The following PPP1R16A variants were observed in gnomAD, a reference collection of about 807,000 sequenced individuals.
The protein encoded by PPP1R16A is protein phosphatase 1 regulatory subunit 16A, also known as myosin phosphatase-targeting subunit 3.
A neutral mutation model predicts 46.6 loss-of-function variants in PPP1R16A; 39 were observed. The observed-to-expected ratio is 0.84, with a 90% CI of 0.65 to 1.09. The LOEUF is 1.09. Among genes scored for constraint, PPP1R16A ranks in the 50% least tolerant of loss-of-function variants. The pLI, the probability that PPP1R16A is intolerant of heterozygous loss-of-function variation, is 0.00. For synonymous variants in PPP1R16A, 413 were observed against 321.5 expected (o/e 1.28, Z -3.04); for missense variants, 798 against 735.6 (o/e 1.08, Z -0.98).
In PPP1R16A at chr8:144,502,054, G is replaced by C; in HGVS notation, c.*151G>C. Reference sequence around the variant, plus strand: ...CCTCTCAGGTCAGAAGACATGCCTGGAGGGATGTCTGGCTGCAAAGACTAT... The same window carrying C: ...CCTCTCAGGTCAGAAGACATGCCTGCAGGGATGTCTGGCTGCAAAGACTAT... On this transcript the variant is annotated 3_prime_UTR_variant, in exon 12 of 12. Coordinates refer to ENST00000435887, the MANE Select transcript of PPP1R16A (RefSeq NM_001329443.2). The C allele has an allele frequency of 2.8e-6, 2 of 711,204 alleles. No individual in the cohort carries two copies. The highest frequency in any genetic ancestry group is 4.4e-6 in the Non-Finnish European group (2 of 458,604). 44.1% of individuals were successfully genotyped at this position (711,204 alleles called of 1,614,324 possible). A position where few individuals can be genotyped will look rare whatever the true frequency, so the allele number is the denominator to read the frequency against.
At chr8:144,488,044 G>A (rs1825679687) in intron 1 of PPP1R16A, among the ~76,000 whole-genome samples, 1 of 152,232 alleles carries the variant, frequency 6.6e-6, no homozygotes, top group African/African-American at 2.4e-5. Flanking sequence ...TTATTCCGAG[G>A]CATTGAGGCT....
chr8:144,500,639 G>T (rs1826378258), intron 8 of PPP1R16A, 27 bp downstream of exon 8: 2 of 1,604,344 alleles, frequency 1.2e-6, no homozygotes, highest in South Asian at 2.2e-5. Context: ...GCAGGTGGGA[G>T]GGGGCTTCCA....
Position 144,501,553 on chromosome 8 carries a change from G to A in PPP1R16A, c.1237G>A (p.Gly413Ser), listed in dbSNP as rs1364307822. Residue 413 changes from glycine to serine, a missense_variant, in exon 12 of 12, where the codon GGC (glycine) becomes AGC (serine). Gly to Ser is a moderately conservative substitution (Grantham distance 56). Transcript: ENST00000435887. Reference protein sequence around the residue: ...DNPEVVRPHNGRVGGSPVRHL... With the variant: ...DNPEVVRPHNSRVGGSPVRHL... ...CCCCGAAGTGGTCAGGCCGCACAAT[G>A]GCCGAGTAGGGGGCTCCCCAGTGCG... 1 of 1,585,750 alleles carries A rather than the reference G, an allele frequency of 6.3e-7. No individual in the cohort carries two copies. The highest frequency in any genetic ancestry group is 2.3e-5 in the East Asian group (1 of 43,146).
At position 144,496,757 on chromosome 8, in the gene PPP1R16A, G is replaced by C; in HGVS notation, c.-438G>C. The C allele has an allele frequency of 4.1e-6, 1 of 246,188 alleles. No individual in the cohort carries two copies. Among genetic ancestry groups the C allele is most frequent in the South Asian group, 5.4e-5 (1 of 18,562 alleles). 15.3% of individuals were successfully genotyped at this position (246,188 alleles called of 1,614,324 possible). A position where few individuals can be genotyped will look rare whatever the true frequency, so the allele number is the denominator to read the frequency against. On this transcript the variant is annotated 5_prime_UTR_variant, in exon 3 of 12. Transcript: ENST00000435887. ...AGAGGACTCTCAGGGGCTCACAGGG[G>C]CTCTCACTGCTGGTTGGCCCTGCCC...
At chr8:144,488,060 G>A (rs1446124448) in intron 1 of PPP1R16A, among the ~76,000 whole-genome samples, 1 of 152,220 alleles carries the variant, frequency 6.6e-6, no homozygotes, top group Non-Finnish European at 1.5e-5. Flanking sequence ...AGGCTTTTGG[G>A]TGCTATTCTG....
Position 144,497,294 on chromosome 8 carries a change from G to A in PPP1R16A, c.100G>A (p.Val34Met). The A allele has an allele frequency of 1.9e-6, 3 of 1,612,320 alleles. No homozygotes were observed. The highest frequency in any genetic ancestry group is 2.5e-6 in the Non-Finnish European group (3 of 1,179,718). Residue 34 changes from valine (V) to methionine (M), a missense_variant, in exon 3 of 12, where the codon GTG (valine) becomes ATG (methionine). Val to Met is a conservative substitution (Grantham distance 21, BLOSUM62 1). Coordinates refer to ENST00000435887, the MANE Select transcript of PPP1R16A (RefSeq NM_001329443.2). ...KHAQKRRAQQVKMWAQAEKEA... is the reference protein window; with the variant it reads ...KHAQKRRAQQMKMWAQAEKEA... ...TGCCCAGAAGCGGCGCGCCCAGCAG[G>A]TGAAGATGTGGGCCCAGGCTGAGAA...
chr8:144,485,010 A>T (rs1026473490), intron 1 of PPP1R16A, among the ~76,000 whole-genome samples: 2 of 152,094 alleles, frequency 1.3e-5, no homozygotes, highest in African/African-American at 4.8e-5. Context: ...CACGCCTGTC[A>T]TCCCAGCACT....
rs1487954844 is a variant in PPP1R16A at position 144,496,919 on chromosome 8, G to A, written c.-276G>A. ...TGCACCCTGACCCCGAGAGGGAGGC[G>A]AGGCGCTGCTTGTCGACAGCTAGAG... On this transcript the variant is annotated 5_prime_UTR_variant, in exon 3 of 12. Coordinates refer to ENST00000435887, the MANE Select transcript of PPP1R16A (RefSeq NM_001329443.2). The A allele has an allele frequency of 7.1e-6, 4 of 564,234 alleles. No individual in the cohort carries two copies. The highest frequency in any genetic ancestry group is 1.3e-5 in the Non-Finnish European group (4 of 314,318). 35.0% of individuals were successfully genotyped at this position (564,234 alleles called of 1,614,324 possible).
rs1327572180 is a variant in PPP1R16A at position 144,496,924 on chromosome 8, G to A, written c.-271G>A. 21 of 569,988 alleles carry A rather than the reference G, an allele frequency of 3.7e-5. No homozygotes were observed. The East Asian group carries it at 4.4e-4, about 12-fold the overall frequency. 35.3% of individuals were successfully genotyped at this position (569,988 alleles called of 1,614,324 possible). A position where few individuals can be genotyped will look rare whatever the true frequency, so the allele number is the denominator to read the frequency against. On this transcript the variant is annotated 5_prime_UTR_variant, in exon 3 of 12. Coordinates refer to ENST00000435887, the MANE Select transcript of PPP1R16A (RefSeq NM_001329443.2). ...CCTGACCCCGAGAGGGAGGCGAGGC[G>A]CTGCTTGTCGACAGCTAGAGGCTGG... is the stretch of plus-strand genomic sequence containing the variant.
Position 144,502,008 on chromosome 8 carries a change from C to G in PPP1R16A, c.*105C>G. The G allele has an allele frequency of 7.5e-6, 9 of 1,203,018 alleles. No homozygotes were observed. Among genetic ancestry groups the G allele is most frequent in the Non-Finnish European group, 1.0e-5 (9 of 887,528 alleles). The allele number at this position is 1,203,018 out of a possible 1,614,324, so 74.5% of individuals were successfully genotyped here. On this transcript the variant is annotated 3_prime_UTR_variant, in exon 12 of 12. Coordinates refer to ENST00000435887, the MANE Select transcript of PPP1R16A (RefSeq NM_001329443.2). ...GGGTGCAGCACGGAAACCCCGGCTT[C>G]TACTGTACAGGACACTGGCCCCTCT...
At chr8:144,498,134 C>T (rs1383055619) in intron 3 of PPP1R16A, 3 of 453,712 alleles carry the variant, frequency 6.6e-6, no homozygotes, top group South Asian at 3.1e-5. Context: ...TGCATCTTTC[C>T]ATGTGGACAG....
chr8:144,483,062 G>A (rs1455174784), intron 1 of PPP1R16A, among the ~76,000 whole-genome samples: 3 of 152,188 alleles, frequency 2.0e-5, no homozygotes, highest in Non-Finnish European at 4.4e-5. Flanking sequence ...AATTACAGGT[G>A]TGAGCCACCG....
intron 1 of PPP1R16A, among the ~76,000 whole-genome samples, chr8:144,480,774 G>A (rs1400665496): frequency 6.6e-6 from 1 of 150,958 alleles, no homozygotes; most frequent in East Asian, 2.0e-4. Context: ...GTGAGCCACT[G>A]TGCCCAGCCC....
chr8:144,501,649 C>G lies in PPP1R16A; in HGVS notation c.1333C>G (p.His445Asp), dbSNP rs778435733. ...QLSPLDSTTP[H>D]TLVHDKAHHT... is the part of the protein sequence containing the mutation. The stretch of plus-strand genomic sequence containing the variant: ...GAGCCCCCTGGACAGCACCACCCCC[C>G]ACACCCTGGTCCACGACAAGGCCCA... The change falls in exon 12 of 12, where the codon CAC becomes GAC. Residue 445 changes from histidine to aspartate, a missense_variant. Physicochemically the swap from His to Asp is moderately conservative, Grantham distance 81. Transcript: ENST00000435887. The G allele has an allele frequency of 2.5e-5, 40 of 1,610,956 alleles. No homozygotes were observed. Among genetic ancestry groups the G allele is most frequent in the Admixed American group, 3.3e-5 (2 of 59,858 alleles).
chr8:144,491,486 G>C (rs540878903), intron 2 of PPP1R16A, among the ~76,000 whole-genome samples: 1 of 151,962 alleles, frequency 6.6e-6, no homozygotes, highest in East Asian at 1.9e-4. Flanking sequence ...GGTGTAGGCC[G>C]GGCATGCTGG....
rs772503096 is a variant in PPP1R16A, at chr8:144,497,153, C to T, written c.-42C>T. 1.0e-5 allele frequency: 16 copies of T among 1,540,480 alleles called. No homozygotes were observed. Among genetic ancestry groups the T allele is most frequent in the African/African-American group, 1.4e-5 (1 of 72,988 alleles). On this transcript the variant is annotated 5_prime_UTR_variant, in exon 3 of 12. Transcript: ENST00000435887. ...CCCAGCCTGGCCCCCAAGCTCCCCA[C>T]TCTGGTGCCCCGAGCAGCCCTGTGG...
rs779419372 is a variant in PPP1R16A at position 144,500,757 on chromosome 8, C to T, written c.903C>T (p.Pro301=). 1 of 1,611,518 alleles carries T rather than the reference C, an allele frequency of 6.2e-7. No homozygotes were observed. Among genetic ancestry groups the T allele is most frequent in the South Asian group, 1.1e-5 (1 of 90,898 alleles). ...LNAKSLMDET[P]LDVCGDEEVR... ...CAAAGTCCCTGATGGACGAGACGCCCCTTGGTGAGCTTGCGGGGCCCACCT... is the reference window on the plus strand; with the variant it reads ...CAAAGTCCCTGATGGACGAGACGCCTCTTGGTGAGCTTGCGGGGCCCACCT... Residue 301 remains proline, a synonymous_variant, in exon 9 of 12, where the codon CCC becomes CCT. Coordinates refer to ENST00000435887, the MANE Select transcript of PPP1R16A (RefSeq NM_001329443.2).
At position 144,498,633 on chromosome 8, in the gene PPP1R16A, C is replaced by A. The variant is rs949648450; in HGVS notation, c.260-137C>A. ...GACAGATGCCTGGTGCTTCTGCCCCCACCCCTGGGCTCTGGTGTGCCTCCT... is the reference window on the plus strand; with the variant it reads ...GACAGATGCCTGGTGCTTCTGCCCCAACCCCTGGGCTCTGGTGTGCCTCCT... On this transcript the variant is annotated intron_variant, in intron 3 of 11. Coordinates refer to ENST00000435887, the MANE Select transcript of PPP1R16A (RefSeq NM_001329443.2). The A allele has an allele frequency of 1.6e-5, 13 of 814,434 alleles. No individual in the cohort carries two copies. The Middle Eastern group carries it at 7.1e-4, about 44-fold the overall frequency. The allele number at this position is 814,434 out of a possible 1,614,324, so 50.5% of individuals were successfully genotyped here.
chr8:144,479,655 A>G (rs1245651982), intron 1 of PPP1R16A, among the ~76,000 whole-genome samples: 3 of 152,010 alleles, frequency 2.0e-5, no homozygotes, highest in Non-Finnish European at 4.4e-5. Context: ...CAGCTTAGGA[A>G]CCTCAGTCTC....
Sources: gnomAD v4.1 joint callset for allele counts (sites outside exome capture counted in the v4.1 genomes callset) on GRCh38, gnomAD v4.1.1 for gene constraint, MANE v1.5 for transcripts, NCBI Gene and HGNC (gene_info 2026-07-23, HGNC 2026-07-21) for gene names.